Variants in SLC24A3 observed in about 807,000 individuals in gnomAD.
SLC24A3 encodes the protein sodium/potassium/calcium exchanger 3.
SLC24A3 carries 28 observed loss-of-function variants against 75.8 expected under a neutral mutation model. That is an observed-to-expected ratio of 0.37 (90% CI 0.27 to 0.51). The LOEUF (loss-of-function observed/expected upper bound fraction) is 0.51, where lower values mean the gene tolerates loss of function less well. Among genes scored for constraint, SLC24A3 ranks in the 20% least tolerant of loss-of-function variants. SLC24A3 has a pLI of 0.94. For synonymous variants in SLC24A3, 372 were observed against 334.1 expected (o/e 1.11, Z -1.24); for missense variants, 663 against 847.8 (o/e 0.78, Z 2.71).
At chr20:19,541,936 C>G (rs2030505568) in intron 3 of SLC24A3, among the ~76,000 whole-genome samples, 1 of 152,142 alleles carries the variant, frequency 6.6e-6, no homozygotes, top group African/African-American at 2.4e-5. Flanking sequence ...GTAAGGGGAG[C>G]AAGGAACAGG....
At chr20:19,504,445 T>C (rs1988432409) in intron 2 of SLC24A3, among the ~76,000 whole-genome samples, 1 of 152,240 alleles carries the variant, frequency 6.6e-6, no homozygotes, top group Non-Finnish European at 1.5e-5. Context: ...TGTAGATTCC[T>C]GTAGGGAATT....
chr20:19,434,512 T>A (rs1371115040), intron 2 of SLC24A3, among the ~76,000 whole-genome samples: 1 of 152,236 alleles, frequency 6.6e-6, no homozygotes, highest in Non-Finnish European at 1.5e-5. Context: ...TGGTCTGCAC[T>A]GTTAGCATTG....
intron 2 of SLC24A3, among the ~76,000 whole-genome samples, chr20:19,359,895 C>T (rs1985755573): frequency 6.6e-6 from 1 of 152,064 alleles, no homozygotes; most frequent in Non-Finnish European, 1.5e-5. Flanking sequence ...CAGTGTAGAA[C>T]CCTCAGTGTT....
intron 13 of SLC24A3, 168 bp from the exon 14 acceptor site, chr20:19,696,629 C>T (rs1357798501): frequency 5.9e-6 from 3 of 504,438 alleles, no homozygotes; most frequent in South Asian, 3.7e-5. Flanking sequence ...CAGCCCCGGT[C>T]GGCATCCACA....
At chr20:19,633,937 TG>T (rs2031968763) in intron 6 of SLC24A3, among the ~76,000 whole-genome samples, 1 of 152,174 alleles carries the variant, frequency 6.6e-6, no homozygotes, top group Non-Finnish European at 1.5e-5. Flanking sequence ...AATAAAATGC[TG>T]CTGCTGTTAC....
At chr20:19,461,915 G>A (rs747117436) in intron 2 of SLC24A3, among the ~76,000 whole-genome samples, 9 of 152,128 alleles carry the variant, frequency 5.9e-5, no homozygotes, top group Admixed American at 1.3e-4. Flanking sequence ...ATTTATGAGA[G>A]GTTAAGTAAA....
chr20:19,426,471 G>T (rs1019466235), intron 2 of SLC24A3, among the ~76,000 whole-genome samples: 1 of 151,896 alleles, frequency 6.6e-6, no homozygotes, highest in African/African-American at 2.4e-5. Context: ...TTTATTTTTT[G>T]GAAATGCAAA....
At chr20:19,506,790 G>T (rs764288562) in intron 2 of SLC24A3, among the ~76,000 whole-genome samples, 3 of 152,172 alleles carry the variant, frequency 2.0e-5, no homozygotes, top group Non-Finnish European at 4.4e-5. Flanking sequence ...CCTTTAACTA[G>T]TATTGAGTAT....
chr20:19,326,131 C>G (rs149804175), intron 2 of SLC24A3, among the ~76,000 whole-genome samples: 66 of 152,004 alleles, frequency 4.3e-4, no homozygotes, highest in South Asian at 8.3e-4. Flanking sequence ...CTGCCTGGCA[C>G]GTGAATTCTT....
intron 6 of SLC24A3, among the ~76,000 whole-genome samples, chr20:19,610,358 A>T (rs977514292): frequency 6.6e-6 from 1 of 151,962 alleles, no homozygotes; most frequent in Admixed American, 6.6e-5. Context: ...GAGGTGGTCT[A>T]CCCCACTCTG....
intron 6 of SLC24A3, among the ~76,000 whole-genome samples, chr20:19,634,867 T>C (rs1038176832): frequency 4.6e-5 from 7 of 152,194 alleles, no homozygotes; most frequent in Admixed American, 1.3e-4. Context: ...TTTCACTGCT[T>C]ATAAATGATA....
At position 19,213,001 on chromosome 20, in the gene SLC24A3, T is replaced by C; in HGVS notation, c.142+17T>C. 1 of 1,253,584 alleles carries C rather than the reference T, an allele frequency of 8.0e-7. No homozygotes were observed. 77.7% of individuals were successfully genotyped at this position (1,253,584 alleles called of 1,614,324 possible). A position where few individuals can be genotyped will look rare whatever the true frequency, so the allele number is the denominator to read the frequency against. ...AGCAGAAGGGTGAGTGCACGCTGCC[T>C]GCCCCGAGTGGGCGCTGCGGCTCCG... On this transcript the variant is annotated intron_variant, in intron 1 of 16. Coordinates refer to ENST00000328041, the MANE Select transcript of SLC24A3 (RefSeq NM_020689.4).
rs190616556 is a variant in SLC24A3, at chr20:19,527,802, G to A, written c.348+12238G>A. ...AAACGTCATCATTACTGAGGATCAC[G>A]ATGTTCTCCAACTTTTATTAAATTA... On this transcript the variant is annotated intron_variant, in intron 3 of 16. Transcript: ENST00000328041. Among the ~76,000 whole-genome samples the A allele has an allele frequency of 3.5e-4, 53 of 152,294 alleles. No individual in the cohort carries two copies. The South Asian group carries it at 6.4e-3, about 18-fold the overall frequency.
chr20:19,215,616 A>C (rs904012424), intron 1 of SLC24A3, among the ~76,000 whole-genome samples: 1 of 151,238 alleles, frequency 6.6e-6, no homozygotes, highest in Non-Finnish European at 1.5e-5. Context: ...TCCTTCCTTC[A>C]TTCTTTCTTC....
Position 19,365,415 on chromosome 20 carries a change from T to C in SLC24A3, c.271+84328T>C, listed in dbSNP as rs906210150. On this transcript the variant is annotated intron_variant, in intron 2 of 16. Coordinates refer to ENST00000328041, the MANE Select transcript of SLC24A3 (RefSeq NM_020689.4). ...GCTGTAGAGGAACCACGATAGCTCC[T>C]GCAGAAAACAGATTGGGTGGGGATT... Among the ~76,000 whole-genome samples, 3 of 152,182 alleles carry C rather than the reference T, an allele frequency of 2.0e-5. No individual in the cohort carries two copies. The South Asian group carries it at 6.2e-4, about 31-fold the overall frequency.
chr20:19,480,530 G>A (rs1436020332), intron 2 of SLC24A3, among the ~76,000 whole-genome samples: 1 of 152,178 alleles, frequency 6.6e-6, no homozygotes, highest in Non-Finnish European at 1.5e-5. Context: ...TTGGGGTCTT[G>A]CCTACCATGT....
rs377026881 is a variant in SLC24A3, at chr20:19,713,867, A to G, written c.1720-3661A>G. Among the ~76,000 whole-genome samples the G allele has an allele frequency of 3.3e-4, 51 of 152,306 alleles. 2 individuals are homozygous for G. The South Asian group carries it at 0.01, about 30-fold the overall frequency. On this transcript the variant is annotated intron_variant, in intron 15 of 16. Transcript: ENST00000328041. ...CTTAGAGAAGTTCAGTTACCCATCC[A>G]TGATGATACAGCAAGTGAATGACCA...
At chr20:19,397,290 C>G (rs1172325644) in intron 2 of SLC24A3, among the ~76,000 whole-genome samples, 1 of 152,218 alleles carries the variant, frequency 6.6e-6, no homozygotes, top group African/African-American at 2.4e-5. Flanking sequence ...TTTTTCTCCT[C>G]TCAAGATACA....
chr20:19,696,700 C>A, intron 13 of SLC24A3, 97 bp from the exon 14 acceptor site: 6 of 799,052 alleles, frequency 7.5e-6, no homozygotes, highest in Non-Finnish European at 6.5e-6. Context: ...CAGAGATAGC[C>A]CAGACCATAG....
Sources: gnomAD v4.1 joint callset for allele counts (sites outside exome capture counted in the v4.1 genomes callset) on GRCh38, gnomAD v4.1.1 for gene constraint, MANE v1.5 for transcripts, NCBI Gene and HGNC (gene_info 2026-07-23, HGNC 2026-07-21) for gene names.